TCOF1: variants seen among roughly 807,000 people sequenced by gnomAD.
The protein encoded by TCOF1 is treacle ribosome biogenesis factor 1, also known as treacle protein.
A neutral mutation model predicts 149.0 loss-of-function variants in TCOF1; 33 were observed. The observed-to-expected ratio is 0.22, with a 90% CI of 0.17 to 0.30. The LOEUF is 0.30. Ranked by LOEUF, TCOF1 falls within the 10% of genes least tolerant of loss-of-function variation. The pLI is 1.00. For missense variants in TCOF1, 1,728 were observed against 1,840.7 expected (o/e 0.94, Z 1.12); for synonymous variants, 789 against 738.8 (o/e 1.07, Z -1.10).
At position 150,375,121 on chromosome 5, in the gene TCOF1, A is replaced by G. The variant is rs1191631162; in HGVS notation, c.1446A>G (p.Ser482=). Reference sequence around the variant, plus strand: ...ACTCAAGAAGCAGCAGCGAGGAGTCAGACAGTGACAGAGAGGCACTGGCAG... The same window carrying G: ...ACTCAAGAAGCAGCAGCGAGGAGTCGGACAGTGACAGAGAGGCACTGGCAG... The part of the protein sequence containing the change: ...EEDSRSSSEE[S]DSDREALAAM... The change falls in exon 10 of 27, where the codon TCA becomes TCG. Residue 482 remains serine, a synonymous_variant. Transcript: ENST00000643257. 3 of 1,614,024 alleles carry G rather than the reference A, an allele frequency of 1.9e-6. No individual in the cohort carries two copies. The highest frequency in any genetic ancestry group is 1.3e-5 in the African/African-American group (1 of 75,040).
At chr5:150,386,865 A>G (rs555302399) in intron 17 of TCOF1, among the ~76,000 whole-genome samples, 1 of 152,340 alleles carries the variant, frequency 6.6e-6, no homozygotes, top group South Asian at 2.1e-4. Flanking sequence ...GTGCAGTTCA[A>G]AACCAGACTG....
Position 150,357,714 on chromosome 5 carries a change from G to A in TCOF1, c.-33G>A. 1 of 1,532,548 alleles carries A rather than the reference G, an allele frequency of 6.5e-7. No individual in the cohort carries two copies. Among genetic ancestry groups the A allele is most frequent in the Non-Finnish European group, 8.8e-7 (1 of 1,135,264 alleles). 94.9% of individuals were successfully genotyped at this position (1,532,548 alleles called of 1,614,324 possible). On this transcript the variant is annotated 5_prime_UTR_variant, in exon 1 of 27. In the 5' UTR this introduces an upstream ATG that the reference lacks. Transcript: ENST00000643257. ...TGGCGGGCGGGGACTAAGGCGGGGCGTGCAGGTAGCCGGCCGGCCGGGGGT... is the reference window on the plus strand; with the variant it reads ...TGGCGGGCGGGGACTAAGGCGGGGCATGCAGGTAGCCGGCCGGCCGGGGGT...
At chr5:150,384,971 T>C (rs947745892) in intron 17 of TCOF1, 1 of 985,306 alleles carries the variant, frequency 1.0e-6, no homozygotes, top group Non-Finnish European at 1.2e-6. Flanking sequence ...GCTCCATTCC[T>C]AGACCCCTCA....
At chr5:150,384,556 C>A in intron 17 of TCOF1, 2 of 985,416 alleles carry the variant, frequency 2.0e-6, no homozygotes, top group Non-Finnish European at 2.4e-6. Context: ...GGGATCTAAA[C>A]AACTGGGAGG....
At chr5:150,371,889 C>G in intron 6 of TCOF1, 117 bp from the exon 7 acceptor site, 1 of 959,978 alleles carries the variant, frequency 1.0e-6, no homozygotes, top group Non-Finnish European at 1.6e-6. Flanking sequence ...CAGGGAGTTG[C>G]TTAAAAATCC....
At chr5:150,375,243 C>G (rs530276276) in intron 10 of TCOF1, 80 bp downstream of exon 10, 1 of 1,609,612 alleles carries the variant, frequency 6.2e-7, no homozygotes, top group East Asian at 2.2e-5. Context: ...CTCTCTGAAC[C>G]TAGAGCCCTG....
chr5:150,365,308 A>G (rs917452287), intron 3 of TCOF1, among the ~76,000 whole-genome samples: 1 of 143,072 alleles, frequency 7.0e-6, no homozygotes, highest in African/African-American at 2.6e-5. Flanking sequence ...TAGCCAGACT[A>G]GTCTCAGGTG....
chr5:150,391,196 C>A (rs1047046246), intron 19 of TCOF1, among the ~76,000 whole-genome samples: 3 of 152,146 alleles, frequency 2.0e-5, no homozygotes, highest in Non-Finnish European at 4.4e-5. Context: ...TGAAGGCTCT[C>A]AGCAAGGGGT....
At chr5:150,388,228 C>T (rs1016432360) in intron 18 of TCOF1, 140 bp downstream of exon 18, 9 of 1,130,132 alleles carry the variant, frequency 8.0e-6, no homozygotes, top group Middle Eastern at 3.0e-4. Context: ...CTGGGCCCTG[C>T]ATTAGCCATT....
At chr5:150,374,056 G>T (rs1412865315) in intron 7 of TCOF1, 118 bp from the exon 8 acceptor site, 4 of 1,120,060 alleles carry the variant, frequency 3.6e-6, no homozygotes, top group Non-Finnish European at 5.3e-6. Flanking sequence ...GGTGGGGAGT[G>T]GGGAGGGAAG....
intron 24 of TCOF1, among the ~76,000 whole-genome samples, chr5:150,398,024 G>A (rs1285310634): frequency 6.6e-6 from 1 of 152,198 alleles, no homozygotes; most frequent in Non-Finnish European, 1.5e-5. Flanking sequence ...CCAAGCTCAA[G>A]CGATCCTCTT....
chr5:150,384,287 T>G, intron 17 of TCOF1: 1 of 989,494 alleles, frequency 1.0e-6, no homozygotes, highest in Non-Finnish European at 1.2e-6. Context: ...ATTTTTCTGT[T>G]TAATCTCCAC....
Position 150,372,058 on chromosome 5 carries a change from A to G in TCOF1, c.692A>G (p.Lys231Arg). 6.2e-7 allele frequency: 1 copy of G among 1,614,222 alleles called. No individual in the cohort carries two copies. ...GTCAAAGCCTCATCAGTTTCTACTA[A>G]GGAGTCTCCAGCAAGAAAGGCGGCC... Reference protein sequence around the residue: ...AQVKASSVSTKESPARKAAPA... With the variant: ...AQVKASSVSTRESPARKAAPA... The change falls in exon 7 of 27, where the codon AAG becomes AGG. Residue 231 changes from lysine (K) to arginine (R), a missense_variant. Physicochemically the swap from Lys to Arg is conservative, Grantham distance 26 (BLOSUM62 2). Around this residue, in one of 2 missense-constraint regions of TCOF1, gnomAD observed 1,696 missense variants for 1,765.4 expected, o/e 0.96. Transcript: ENST00000643257.
Position 150,396,622 on chromosome 5 carries a change from G to T in TCOF1, c.4125G>T (p.Glu1375Asp). 11 of 1,596,212 alleles carry T rather than the reference G, an allele frequency of 6.9e-6. No homozygotes were observed. The highest frequency in any genetic ancestry group is 9.4e-6 in the Non-Finnish European group (11 of 1,170,786). The change falls in exon 24 of 27, where the codon GAG (glutamate) becomes GAT (aspartate). Residue 1375 changes from glutamate to aspartate, a missense_variant. This residue lies in a region of TCOF1 where 1,696 missense variants were observed against 1,765.4 expected (regional missense o/e 0.96). Transcript: ENST00000643257. The stretch of plus-strand genomic sequence containing the variant: ...AGCTGGGGGCCGGGGAAGGTGGGGA[G>T]GCCTCTGTTTCCCCAGAAAAGACCT... Reference protein sequence around the residue: ...KKKLGAGEGGEASVSPEKTST... With the variant: ...KKKLGAGEGGDASVSPEKTST...
At chr5:150,361,251 C>T (rs774030923) in intron 2 of TCOF1, 40 bp downstream of exon 2, 1 of 1,610,570 alleles carries the variant, frequency 6.2e-7, no homozygotes. Context: ...GGGACGGACA[C>T]CCCAAGCAAC....
chr5:150,370,266 C>T (rs972660313), intron 6 of TCOF1, among the ~76,000 whole-genome samples: 2 of 152,158 alleles, frequency 1.3e-5, no homozygotes, highest in Admixed American at 6.5e-5. Context: ...TAGAGGGCCA[C>T]GCAGGGCAGG....
intron 11 of TCOF1, 47 bp from the exon 12 acceptor site, chr5:150,375,674 A>C: frequency 2.5e-6 from 4 of 1,613,600 alleles, no homozygotes; most frequent in Non-Finnish European, 3.4e-6. Context: ...ATGTCTGCAC[A>C]CACCTACCCT....
At chr5:150,384,494 C>T (rs1395335332) in intron 17 of TCOF1, 1 of 985,382 alleles carries the variant, frequency 1.0e-6, no homozygotes, top group Non-Finnish European at 1.2e-6. Flanking sequence ...TGGGCTTGGG[C>T]ATTGCCCTCT....
intron 1 of TCOF1, 51 bp downstream of exon 1, chr5:150,357,905 A>AGCGGCCC (rs151344564): frequency 1.4e-5 from 22 of 1,517,828 alleles, no homozygotes; most frequent in Middle Eastern, 2.2e-4. Flanking sequence ...TGTGGAGATC[A>AGCGGCCC]GCGGCCCGCG....
Sources: allele counts gnomAD v4.1 joint callset (sites outside exome capture counted in the v4.1 genomes callset), GRCh38; gene constraint gnomAD v4.1.1; regional missense constraint gnomAD v4.1.1; transcripts MANE v1.5; gene names NCBI Gene and HGNC (gene_info 2026-07-23, HGNC 2026-07-21).